Variants in DNAH11 observed in about 807,000 individuals in gnomAD.
DNAH11 encodes axonemal beta dynein heavy chain 11.
A neutral mutation model predicts 526.0 loss-of-function variants in DNAH11; 442 were observed. That is an observed-to-expected ratio of 0.84 (90% CI 0.78 to 0.91). The LOEUF (loss-of-function observed/expected upper bound fraction) is 0.91. Among genes scored for constraint, DNAH11 ranks in the 40% least tolerant of loss-of-function variants. DNAH11 has a pLI of 0.00. For missense variants in DNAH11, 6,989 were observed against 5,448.7 expected (o/e 1.28, Z -8.90); for synonymous variants, 2,461 against 1,935.9 (o/e 1.27, Z -7.12).
chr7:21,775,127 T>C (rs1787616092), intron 56 of DNAH11, among the ~76,000 whole-genome samples: 1 of 152,162 alleles, frequency 6.6e-6, no homozygotes, highest in Non-Finnish European at 1.5e-5. Flanking sequence ...TCTCTTAGTT[T>C]TCTATACCAA....
chr7:21,797,813 C>T (rs976906203), intron 61 of DNAH11, among the ~76,000 whole-genome samples: 5 of 152,054 alleles, frequency 3.3e-5, no homozygotes, highest in Admixed American at 6.5e-5. Context: ...CATTAAGTTA[C>T]GTTTTCATTC....
chr7:21,879,427 G>C (rs561410536), intron 74 of DNAH11, among the ~76,000 whole-genome samples: 8 of 151,636 alleles, frequency 5.3e-5, no homozygotes, highest in Middle Eastern at 3.4e-3. Flanking sequence ...TCTGGTGACA[G>C]AGCAAGACTC....
intron 65 of DNAH11, among the ~76,000 whole-genome samples, chr7:21,820,823 T>A (rs1790021173): frequency 6.6e-6 from 1 of 152,200 alleles, no homozygotes; most frequent in African/African-American, 2.4e-5. Flanking sequence ...CTCCATATTT[T>A]CACTTGAGAA....
At chr7:21,815,999 C>A (rs1482292368) in intron 63 of DNAH11, among the ~76,000 whole-genome samples, 3 of 152,098 alleles carry the variant, frequency 2.0e-5, no homozygotes, top group Admixed American at 6.6e-5. Flanking sequence ...TGAATACTTT[C>A]CATTAATCCA....
At chr7:21,552,128 A>G (rs1783047131) in intron 2 of DNAH11, among the ~76,000 whole-genome samples, 1 of 152,036 alleles carries the variant, frequency 6.6e-6, no homozygotes, top group South Asian at 2.1e-4. Context: ...TTGAATGAGC[A>G]CCCCAAGGGC....
intron 54 of DNAH11, among the ~76,000 whole-genome samples, chr7:21,760,099 G>T (rs1451758996): frequency 2.0e-5 from 3 of 151,860 alleles, no homozygotes. Context: ...TTGCTCACTT[G>T]CAATTGTCAA....
At chr7:21,649,529 A>AC (rs1787528647) in intron 28 of DNAH11, among the ~76,000 whole-genome samples, 1 of 152,214 alleles carries the variant, frequency 6.6e-6, no homozygotes, top group African/African-American at 2.4e-5. Flanking sequence ...ATAATATCGA[A>AC]CTATAGGAGG....
chr7:21,700,099 A>T (rs1209706583), intron 36 of DNAH11, among the ~76,000 whole-genome samples: 1 of 152,218 alleles, frequency 6.6e-6, no homozygotes, highest in Non-Finnish European at 1.5e-5. Flanking sequence ...TTTACATATG[A>T]GAAAACTGAG....
At chr7:21,733,788 G>A (rs568510730) in intron 45 of DNAH11, among the ~76,000 whole-genome samples, 2 of 152,120 alleles carry the variant, frequency 1.3e-5, no homozygotes, top group Non-Finnish European at 2.9e-5. Flanking sequence ...AGTGCTGTAC[G>A]TAATGCAATC....
chr7:21,601,235 T>G, intron 17 of DNAH11, 56 bp downstream of exon 17: 1 of 1,536,598 alleles, frequency 6.5e-7, no homozygotes, highest in Non-Finnish European at 8.8e-7. Context: ...TTTCTAAAAC[T>G]GAGATGTTAC....
chr7:21,893,155 AG>A (rs1784387404), intron 77 of DNAH11, among the ~76,000 whole-genome samples: 2 of 152,334 alleles, frequency 1.3e-5, no homozygotes, highest in East Asian at 3.9e-4. Context: ...CAATATGCAA[AG>A]GTAACTCCCA....
At chr7:21,685,528 A>G (rs1305476852) in intron 32 of DNAH11, among the ~76,000 whole-genome samples, 1 of 152,220 alleles carries the variant, frequency 6.6e-6, no homozygotes, top group Non-Finnish European at 1.5e-5. Context: ...CATTAACAAA[A>G]TGATGCCCTT....
At chr7:21,781,391 A>G (rs1484376226) in intron 57 of DNAH11, among the ~76,000 whole-genome samples, 2 of 152,218 alleles carry the variant, frequency 1.3e-5, no homozygotes, top group Non-Finnish European at 2.9e-5. Context: ...GGGCATTGCC[A>G]GCAGTGACTT....
Position 21,738,757 on chromosome 7 carries a change from A to C in DNAH11, c.7702A>C (p.Asn2568His). 1 of 1,589,488 alleles carries C rather than the reference A, an allele frequency of 6.3e-7. No individual in the cohort carries two copies. Among genetic ancestry groups the C allele is most frequent in the Non-Finnish European group, 8.6e-7 (1 of 1,167,074 alleles). The stretch of plus-strand genomic sequence containing the variant: ...TGGTCATAACTATGGTCCTGGAGGA[A>C]ATAAAAAATTGATTTATTTTATCGA... ...KAGHNYGPGG[N>H]KKLIYFIDDM... Residue 2568 changes from asparagine (N) to histidine (H), a missense_variant, in exon 47 of 82, where the codon AAT (asparagine) becomes CAT (histidine). By Grantham distance (68) the Asn-to-His change is moderately conservative. Coordinates refer to ENST00000409508, the MANE Select transcript of DNAH11 (RefSeq NM_001277115.2).
intron 65 of DNAH11, among the ~76,000 whole-genome samples, chr7:21,827,197 CT>C (rs753359496): frequency 1.4e-4 from 22 of 152,314 alleles, no homozygotes; most frequent in Middle Eastern, 3.4e-3. Context: ...CCGACAACAG[CT>C]GGGTAATTAC....
At chr7:21,639,747 TC>T (rs1787034565) in intron 28 of DNAH11, among the ~76,000 whole-genome samples, 1 of 152,192 alleles carries the variant, frequency 6.6e-6, no homozygotes, top group Non-Finnish European at 1.5e-5. Flanking sequence ...ACTCAATCAT[TC>T]CTATTCACTT....
chr7:21,571,202 C>G (rs138141194), intron 7 of DNAH11, among the ~76,000 whole-genome samples: 2 of 152,188 alleles, frequency 1.3e-5, no homozygotes, highest in East Asian at 1.9e-4. Flanking sequence ...ATCTGACTTA[C>G]GTTTAGGAAG....
At chr7:21,789,785 C>CTTT (rs1448219387) in intron 61 of DNAH11, among the ~76,000 whole-genome samples, 3 of 94,472 alleles carry the variant, frequency 3.2e-5, no homozygotes, top group South Asian at 7.8e-4. Context: ...TTCTTTCTTT[C>CTTT]TTTCTTTCTT....
At chr7:21,842,884 T>C (rs761183287) in intron 66 of DNAH11, 136 bp downstream of exon 66, 84 of 760,650 alleles carry the variant, frequency 1.1e-4, no homozygotes, top group Middle Eastern at 4.9e-4. Context: ...TAAGTATACA[T>C]GTTAAAAGTT....
Sources: allele counts gnomAD v4.1 joint callset (sites outside exome capture counted in the v4.1 genomes callset), GRCh38; gene constraint gnomAD v4.1.1; transcripts MANE v1.5; gene names NCBI Gene and HGNC (gene_info 2026-07-23, HGNC 2026-07-21).